ETS2: variants seen among roughly 807,000 people sequenced by gnomAD.
The protein encoded by ETS2 is ETS proto-oncogene 2, transcription factor, also known as protein C-ets-2.
A neutral mutation model predicts 54.9 loss-of-function variants in ETS2; 19 were observed. The observed-to-expected ratio is 0.35, with a 90% CI of 0.24 to 0.51. The LOEUF (loss-of-function observed/expected upper bound fraction) is 0.51. Among genes scored for constraint, ETS2 ranks in the 20% least tolerant of loss-of-function variants. The probability of loss-of-function intolerance (pLI) is 0.97; values close to 1 mark genes in which losing one functional copy is unlikely to be tolerated. For synonymous variants in ETS2, 219 were observed against 229.3 expected (o/e 0.95, Z 0.41); for missense variants, 417 against 593.0 (o/e 0.70, Z 3.08).
At chr21:38,805,685 C>T (rs1233238362), upstream of ETS2, 4 of 1,166,452 alleles carry the variant, frequency 3.4e-6, no homozygotes, top group African/African-American at 1.6e-5. The surrounding 1 kb of genome is among the most constrained non-coding windows in gnomAD (Gnocchi z 5.2). Flanking sequence ...TCTCTCCCCT[C>T]GTGCGTTCCC....
rs1601433167 is a variant in ETS2, at chr21:38,821,702, G to A, written c.1192G>A (p.Glu398Lys). ...GGAGTTTAAGCTCGCCGACCCCGATGAGGTATGGCCAGAGCCCTGGGAAAT... is the reference window on the plus strand; with the variant it reads ...GGAGTTTAAGCTCGCCGACCCCGATAAGGTATGGCCAGAGCCCTGGGAAAT... ...GWEFKLADPD[E>K]VARRWGKRKN... is the part of the protein sequence containing the mutation. Residue 398 changes from glutamate to lysine, a missense_variant and splice_region_variant, in exon 9 of 10, where the codon GAG becomes AAG. Physicochemically the swap from Glu to Lys is moderately conservative, Grantham distance 56 (BLOSUM62 1). Transcript: ENST00000360938. This position sits in a 1 kb window ranked among gnomAD's most constrained non-coding sequence, Gnocchi z 4.2. The A allele has an allele frequency of 6.2e-7, 1 of 1,603,890 alleles. No individual in the cohort carries two copies. Among genetic ancestry groups the A allele is most frequent in the African/African-American group, 1.3e-5 (1 of 74,816 alleles).
rs893367070 is a variant in ETS2, at chr21:38,821,464, A to G, written c.1076-122A>G. ...AGTGCCACCCTGAGTGTAACATCGGAACCCCATTCAGAGAGTTGGGTCTGC... is the reference window on the plus strand; with the variant it reads ...AGTGCCACCCTGAGTGTAACATCGGGACCCCATTCAGAGAGTTGGGTCTGC... On this transcript the variant is annotated intron_variant, in intron 8 of 9. Coordinates refer to ENST00000360938, the MANE Select transcript of ETS2 (RefSeq NM_005239.6). This position sits in a 1 kb window ranked among gnomAD's most constrained non-coding sequence, Gnocchi z 4.2. The G allele has an allele frequency of 1.3e-6, 1 of 763,614 alleles. No individual in the cohort carries two copies. Among genetic ancestry groups the G allele is most frequent in the African/African-American group, 1.7e-5 (1 of 58,614 alleles). 47.3% of individuals were successfully genotyped at this position (763,614 alleles called of 1,614,324 possible). A position where few individuals can be genotyped will look rare whatever the true frequency, so the allele number is the denominator to read the frequency against.
intron 6 of ETS2, 79 bp downstream of exon 6, chr21:38,817,170 C>T (rs754712576): frequency 1.1e-5 from 10 of 900,638 alleles, no homozygotes; most frequent in Non-Finnish European, 1.8e-5. Context: ...ACTGTAGGCT[C>T]CTAAGGGGCC....
Position 38,817,105 on chromosome 21 carries a change from A to G in ETS2, c.589+14A>G, listed in dbSNP as rs759493858. 3.7e-5 allele frequency: 58 copies of G among 1,549,142 alleles called. No individual in the cohort carries two copies. Among genetic ancestry groups the G allele is most frequent in the Admixed American group, 1.0e-4 (6 of 59,690 alleles). ...GCAATACATTAGGTCAGTCCGATTG[A>G]TTCTGCCCTTAAGAACTTTGTCTTC... On this transcript the variant is annotated intron_variant, in intron 6 of 9. Transcript: ENST00000360938.
Position 38,817,110 on chromosome 21 carries a change from GC to G in ETS2, c.589+22del. 1 of 1,521,458 alleles carries G rather than the reference GC, an allele frequency of 6.6e-7. No homozygotes were observed. Among genetic ancestry groups the G allele is most frequent in the Non-Finnish European group, 9.1e-7 (1 of 1,097,172 alleles). The allele number at this position is 1,521,458 out of a possible 1,614,324, so 94.2% of individuals were successfully genotyped here. ...ACATTAGGTCAGTCCGATTGATTCT[GC>G]CCTTAAGAACTTTGTCTTCAGTCTT... On this transcript the variant is annotated intron_variant, in intron 6 of 9. Transcript: ENST00000360938.
At position 38,806,431 on chromosome 21, in the gene ETS2, C is replaced by A; in HGVS notation, c.-1+311C>A. On this transcript the variant is annotated intron_variant, in intron 1 of 9. Transcript: ENST00000360938. This position sits in a 1 kb window ranked among gnomAD's most constrained non-coding sequence, Gnocchi z 4.3. Reference sequence around the variant, plus strand: ...GGCCAGGGCGCGCTGGCTTGTTTCGCTCGCTTTTGTTTTTAAAAGGAAACG... The same window carrying A: ...GGCCAGGGCGCGCTGGCTTGTTTCGATCGCTTTTGTTTTTAAAAGGAAACG... The A allele has an allele frequency of 1.0e-6, 1 of 985,546 alleles. No homozygotes were observed. Among genetic ancestry groups the A allele is most frequent in the South Asian group, 4.7e-5 (1 of 21,298 alleles). 61.1% of individuals were successfully genotyped at this position (985,546 alleles called of 1,614,324 possible). A position where few individuals can be genotyped will look rare whatever the true frequency, so the allele number is the denominator to read the frequency against.
At chr21:38,817,876 C>A (rs2060941677) in intron 6 of ETS2, among the ~76,000 whole-genome samples, 1 of 152,168 alleles carries the variant, frequency 6.6e-6, no homozygotes, top group Non-Finnish European at 1.5e-5. Context: ...CTCAGGAGGT[C>A]TTTCTGAACA....
intron 6 of ETS2, 65 bp from the exon 7 acceptor site, chr21:38,818,360 G>C: frequency 6.2e-7 from 1 of 1,608,608 alleles, no homozygotes; most frequent in Non-Finnish European, 8.5e-7. Flanking sequence ...TCATTTGCTC[G>C]TAGGGGTTAG....
At chr21:38,819,251 G>A (rs1044481002) in intron 7 of ETS2, among the ~76,000 whole-genome samples, 3 of 152,202 alleles carry the variant, frequency 2.0e-5, no homozygotes, top group Admixed American at 6.5e-5. Context: ...GCAGCCATGT[G>A]TTCTTTTTCA....
At chr21:38,807,675 T>G (rs917659292) in intron 1 of ETS2, among the ~76,000 whole-genome samples, 7 of 152,178 alleles carry the variant, frequency 4.6e-5, no homozygotes, top group African/African-American at 7.2e-5. Context: ...TTACAGCTCT[T>G]TATGTGGGAG....
In ETS2 at chr21:38,821,583, C is replaced by A; in HGVS notation, c.1076-3C>A. The stretch of plus-strand genomic sequence containing the variant: ...TGATCCGTCTCCCTCCCTCTCCCCG[C>A]AGGAAGTGGACCTATTCAGCTGTGG... On this transcript the variant is annotated splice_region_variant and splice_polypyrimidine_tract_variant and intron_variant, in intron 8 of 9. Coordinates refer to ENST00000360938, the MANE Select transcript of ETS2 (RefSeq NM_005239.6). This position sits in a 1 kb window ranked among gnomAD's most constrained non-coding sequence, Gnocchi z 4.2. The A allele has an allele frequency of 1.9e-6, 3 of 1,602,940 alleles. No homozygotes were observed. Among genetic ancestry groups the A allele is most frequent in the Non-Finnish European group, 2.6e-6 (3 of 1,169,758 alleles).
At chr21:38,805,511 C>G (rs1002708741), upstream of ETS2, 2 of 1,287,686 alleles carry the variant, frequency 1.6e-6, no homozygotes, top group African/African-American at 3.0e-5. This position sits in a 1 kb window ranked among gnomAD's most constrained non-coding sequence, Gnocchi z 5.2. Context: ...CCGCCCGGCT[C>G]CCAGGGCGCA....
Position 38,813,022 on chromosome 21 carries a change from C to G in ETS2, c.92C>G (p.Thr31Ser), listed in dbSNP as rs995949573. ...TTGCAGCGCCAGCCAGCCTTTGACA[C>G]CTTTGATGGGTCCCTGTTTGCTGTT... ...GTLKRQPAFD[T>S]FDGSLFAVFP... The change falls in exon 3 of 10, where the codon ACC becomes AGC. Residue 31 changes from threonine (T) to serine (S), a missense_variant. This residue lies in a region of ETS2 where 326 missense variants were observed against 426.1 expected (regional missense o/e 0.76). Transcript: ENST00000360938. 6.2e-7 allele frequency: 1 copy of G among 1,613,814 alleles called. No individual in the cohort carries two copies. Among genetic ancestry groups the G allele is most frequent in the South Asian group, 1.1e-5 (1 of 91,076 alleles).
chr21:38,823,062 C>T lies in ETS2; in HGVS notation c.*173C>T, dbSNP rs1310890323. 3 of 471,854 alleles carry T rather than the reference C, an allele frequency of 6.4e-6. No homozygotes were observed. Among genetic ancestry groups the T allele is most frequent in the African/African-American group, 2.0e-5 (1 of 50,030 alleles). The allele number at this position is 471,854 out of a possible 1,614,324, so 29.2% of individuals were successfully genotyped here. On this transcript the variant is annotated 3_prime_UTR_variant, in exon 10 of 10. Coordinates refer to ENST00000360938, the MANE Select transcript of ETS2 (RefSeq NM_005239.6). The stretch of plus-strand genomic sequence containing the variant: ...CCACGCCTCTTGACCAGGCTGCCTC[C>T]CTTGTGGCAGCAACGGCACAGCTAA...
At chr21:38,808,582 GTGTGTGTA>G (rs1251118211) in intron 1 of ETS2, among the ~76,000 whole-genome samples, 3 of 119,514 alleles carry the variant, frequency 2.5e-5, no homozygotes, top group African/African-American at 3.3e-5. Context: ...CAAGAGGGGT[GTGTGTGTA>G]TGTGTGTGTG....
chr21:38,808,169 C>T (rs1385226692), intron 1 of ETS2, among the ~76,000 whole-genome samples: 1 of 152,076 alleles, frequency 6.6e-6, no homozygotes, highest in Non-Finnish European at 1.5e-5. Flanking sequence ...CCTCTGGTAG[C>T]TATGTGGATC....
chr21:38,808,436 C>T (rs2060901441), intron 1 of ETS2, among the ~76,000 whole-genome samples: 1 of 152,216 alleles, frequency 6.6e-6, no homozygotes, highest in South Asian at 2.1e-4. Flanking sequence ...ACTGCTGCCC[C>T]TCTCTGTCCT....
Position 38,824,687 on chromosome 21 carries a change from A to G in ETS2, c.*1798A>G, listed in dbSNP as rs1050743759. Reference sequence around the variant, plus strand: ...GTATTTATCACTTGGACATCTGTTTATAATATAAACAGACATGTGACTGGG... The same window carrying G: ...GTATTTATCACTTGGACATCTGTTTGTAATATAAACAGACATGTGACTGGG... On this transcript the variant is annotated 3_prime_UTR_variant, in exon 10 of 10. Coordinates refer to ENST00000360938, the MANE Select transcript of ETS2 (RefSeq NM_005239.6). 3.3e-5 allele frequency: 5 copies of G among 152,746 alleles called. No individual in the cohort carries two copies. The South Asian group carries it at 1.0e-3, about 32-fold the overall frequency. 9.5% of individuals were successfully genotyped at this position (152,746 alleles called of 1,614,324 possible). A position where few individuals can be genotyped will look rare whatever the true frequency, so the allele number is the denominator to read the frequency against.
rs1476959612 is a variant in ETS2, at chr21:38,819,567, C to A, written c.876C>A (p.Leu292=). The A allele has an allele frequency of 6.2e-7, 1 of 1,614,068 alleles. No individual in the cohort carries two copies. Among genetic ancestry groups the A allele is most frequent in the African/African-American group, 1.3e-5 (1 of 74,926 alleles). Residue 292 remains leucine (L), a synonymous_variant, in exon 8 of 10, where the codon CTC becomes CTA. Transcript: ENST00000360938. ...ACAGCTTCGAGAGCTCAGACTCCCT[C>A]CTCCAGTCCTGGAACAGCCAGTCGT... ...GADSFESSDS[L]LQSWNSQSSL...
Sources: allele counts gnomAD v4.1 joint callset (sites outside exome capture counted in the v4.1 genomes callset), GRCh38; gene constraint gnomAD v4.1.1; regional missense constraint gnomAD v4.1.1; non-coding constraint Gnocchi (gnomAD v3.1); transcripts MANE v1.5; gene names NCBI Gene and HGNC (gene_info 2026-07-23, HGNC 2026-07-21).